GMDS: variants seen among roughly 807,000 people sequenced by gnomAD.
The protein encoded by GMDS is GDP-mannose 4,6-dehydratase.
Under a neutral mutation model 49.9 loss-of-function variants are expected in GMDS, and 20 were observed. The observed-to-expected ratio is 0.40, with a 90% CI of 0.28 to 0.58. The LOEUF (loss-of-function observed/expected upper bound fraction) is 0.58, where lower values mean the gene tolerates loss of function less well. Ranked by LOEUF, GMDS falls within the 20% of genes least tolerant of loss-of-function variation. The pLI, the probability that GMDS is intolerant of heterozygous loss-of-function variation, is 0.42. For synonymous variants in GMDS, 177 were observed against 178.6 expected, an observed-to-expected ratio of 0.99 and a Z score of 0.07; for missense variants, 362 against 481.4, an observed-to-expected ratio of 0.75 and a Z score of 2.32.
chr6:1,687,739 T>C (rs1170912531), intron 9 of GMDS, among the ~76,000 whole-genome samples: 1 of 150,574 alleles, frequency 6.6e-6, no homozygotes, highest in African/African-American at 2.4e-5. Context: ...ACTGAAAGAG[T>C]GTGGGGAGCA....
intron 7 of GMDS, among the ~76,000 whole-genome samples, chr6:1,908,011 A>C (rs2113870954): frequency 6.6e-6 from 1 of 152,334 alleles, no homozygotes; most frequent in Admixed American, 6.5e-5. Flanking sequence ...AACAATGATA[A>C]CAATATGCCA....
chr6:2,245,526 G>A lies in GMDS; in HGVS notation c.-104C>T, dbSNP rs1781829879. 1.8e-6 allele frequency: 1 copy of A among 562,076 alleles called. No individual in the cohort carries two copies. The highest frequency in any genetic ancestry group is 3.8e-5 in the South Asian group (1 of 26,002). 34.8% of individuals were successfully genotyped at this position (562,076 alleles called of 1,614,324 possible). ...TGTGCAGCACGAAGCGCCTCTCCAGGCTGCGGGCAGGGAGGGAGAGCGCAC... is the reference window on the plus strand; with the variant it reads ...TGTGCAGCACGAAGCGCCTCTCCAGACTGCGGGCAGGGAGGGAGAGCGCAC... On this transcript the variant is annotated 5_prime_UTR_variant, in exon 1 of 11. Coordinates refer to ENST00000380815, the MANE Select transcript of GMDS (RefSeq NM_001500.4).
intron 4 of GMDS, among the ~76,000 whole-genome samples, chr6:2,059,479 C>G (rs542667651): frequency 6.6e-6 from 1 of 150,406 alleles, no homozygotes. Flanking sequence ...GAGGCCGAGG[C>G]GGGTGGATCA....
chr6:2,240,798 T>C (rs888258476), intron 1 of GMDS, among the ~76,000 whole-genome samples: 7 of 152,254 alleles, frequency 4.6e-5, no homozygotes, highest in East Asian at 1.9e-4. Context: ...AGACTATCAA[T>C]GTCATAAGGA....
At chr6:2,153,499 C>T (rs1222771989) in intron 1 of GMDS, among the ~76,000 whole-genome samples, 1 of 152,014 alleles carries the variant, frequency 6.6e-6, no homozygotes, top group African/African-American at 2.4e-5. Context: ...GTAAACATAA[C>T]AACAGTCCAG....
At chr6:1,829,694 C>G (rs1296329060) in intron 7 of GMDS, among the ~76,000 whole-genome samples, 1 of 152,240 alleles carries the variant, frequency 6.6e-6, no homozygotes, top group Non-Finnish European at 1.5e-5. Context: ...CCCTCCTCGG[C>G]CTCCCAAAAT....
chr6:2,088,121 G>A (rs1238617165), intron 4 of GMDS, among the ~76,000 whole-genome samples: 1 of 151,762 alleles, frequency 6.6e-6, no homozygotes, highest in Non-Finnish European at 1.5e-5. Context: ...AAAAAAAAAT[G>A]CTGTGATATA....
chr6:1,717,296 C>T (rs754376884), intron 9 of GMDS, among the ~76,000 whole-genome samples: 6 of 152,232 alleles, frequency 3.9e-5, no homozygotes, highest in African/African-American at 7.2e-5. Flanking sequence ...CAAAGTGACA[C>T]TCAGCTGGCT....
At chr6:1,776,861 G>A (rs766914407) in intron 7 of GMDS, among the ~76,000 whole-genome samples, 1 of 152,160 alleles carries the variant, frequency 6.6e-6, no homozygotes, top group Non-Finnish European at 1.5e-5. Flanking sequence ...GAAATGCGCA[G>A]ATATACGGGT....
At chr6:1,691,414 T>C (rs962239524) in intron 9 of GMDS, among the ~76,000 whole-genome samples, 27 of 152,248 alleles carry the variant, frequency 1.8e-4, no homozygotes, top group African/African-American at 6.0e-4. Flanking sequence ...CTGGCCTTAA[T>C]ACTTAGGTGA....
intron 7 of GMDS, among the ~76,000 whole-genome samples, chr6:1,763,268 T>G (rs1160696968): frequency 6.6e-6 from 1 of 152,230 alleles, no homozygotes. Flanking sequence ...TCTTCTAATG[T>G]GCATCTTCTT....
chr6:1,817,575 A>G (rs1326672165), intron 7 of GMDS, among the ~76,000 whole-genome samples: 2 of 152,224 alleles, frequency 1.3e-5, no homozygotes, highest in Non-Finnish European at 2.9e-5. Flanking sequence ...TTTACTTTAT[A>G]ACATGGGTCA....
intron 8 of GMDS, 79 bp from the exon 9 acceptor site, chr6:1,726,591 C>A: frequency 1.0e-6 from 1 of 987,906 alleles, no homozygotes; most frequent in Non-Finnish European, 1.6e-6. Context: ...TGGGATGCCC[C>A]AGCCCTCTCC....
intron 7 of GMDS, among the ~76,000 whole-genome samples, chr6:1,818,067 A>G (rs1351501305): frequency 6.6e-6 from 1 of 152,188 alleles, no homozygotes; most frequent in African/African-American, 2.4e-5. Flanking sequence ...TAGAAAGTAC[A>G]GAAGACTGAA....
chr6:2,244,221 C>G (rs1193455523), intron 1 of GMDS, among the ~76,000 whole-genome samples: 2 of 152,048 alleles, frequency 1.3e-5, no homozygotes. Flanking sequence ...TCAATACCAA[C>G]TGGACACTTC....
chr6:1,704,215 G>A (rs572136686), intron 9 of GMDS, among the ~76,000 whole-genome samples: 17 of 151,988 alleles, frequency 1.1e-4, no homozygotes, highest in African/African-American at 3.6e-4. Context: ...GGCTGTAAAT[G>A]TAACAGAGCA....
rs546380656 is a variant in GMDS, at chr6:2,141,463, T to C, written c.103-16732A>G. Among the ~76,000 whole-genome samples the C allele has an allele frequency of 9.5e-4, 144 of 152,288 alleles. 1 individual carries two copies. The highest frequency in any genetic ancestry group is 3.4e-3 in the African/African-American group (141 of 41,562). On this transcript the variant is annotated intron_variant, in intron 1 of 10. Coordinates refer to ENST00000380815, the MANE Select transcript of GMDS (RefSeq NM_001500.4). ...TAGGGGTGAAATTCAAAATATTGAA[T>C]AACCTGCGTAGCACAGGCACTGACC...
chr6:1,738,403 A>G lies in GMDS; in HGVS notation c.890+4065T>C, dbSNP rs566285741. ...ATTTTCTAATAAATGCAAAACAAAA[A>G]TTATTCAAATTACTCAAGTGATGTC... On this transcript the variant is annotated intron_variant, in intron 8 of 10. Transcript: ENST00000380815. Among the ~76,000 whole-genome samples the G allele has an allele frequency of 5.3e-5, 8 of 152,374 alleles. No homozygotes were observed. In the Middle Eastern group the frequency reaches 0.024, roughly 453 times the overall value.
intron 4 of GMDS, among the ~76,000 whole-genome samples, chr6:1,964,927 T>G (rs1441771840): frequency 1.3e-5 from 2 of 152,184 alleles, no homozygotes; most frequent in Middle Eastern, 6.8e-3. Context: ...TGGTGTTTGG[T>G]TTTTTGTCCT....
Sources: gnomAD v4.1 joint callset for allele counts (sites outside exome capture counted in the v4.1 genomes callset) on GRCh38, gnomAD v4.1.1 for gene constraint, MANE v1.5 for transcripts, NCBI Gene and HGNC (gene_info 2026-07-23, HGNC 2026-07-21) for gene names.